Variants in CDK14 observed in about 807,000 individuals in gnomAD.
CDK14 encodes cyclin-dependent kinase 14.
A neutral mutation model predicts 60.7 loss-of-function variants in CDK14; 34 were observed. The observed-to-expected ratio is 0.56, with a 90% CI of 0.43 to 0.75. The LOEUF (loss-of-function observed/expected upper bound fraction) is 0.75, where lower values mean the gene tolerates loss of function less well. Ranked by LOEUF, CDK14 falls within the 30% of genes least tolerant of loss-of-function variation. The pLI, the probability that CDK14 is intolerant of heterozygous loss-of-function variation, is 0.00. For synonymous variants in CDK14, 197 were observed against 203.7 expected (o/e 0.97, Z 0.28); for missense variants, 482 against 564.1 (o/e 0.85, Z 1.47).
rs573353792 is a variant in CDK14 at position 90,691,816 on chromosome 7, G to A, written c.124-34751G>A. Among the ~76,000 whole-genome samples the A allele has an allele frequency of 3.3e-5, 5 of 152,256 alleles. No individual in the cohort carries two copies. The South Asian group carries it at 1.0e-3, about 32-fold the overall frequency. On this transcript the variant is annotated intron_variant, in intron 2 of 14. Transcript: ENST00000380050. The stretch of plus-strand genomic sequence containing the variant: ...GTTGGATTTTTAATTCATTTTGAAG[G>A]TAGAGCCAGAAGTATTTGCTAACAG...
intron 10 of CDK14, among the ~76,000 whole-genome samples, chr7:91,034,923 T>TAC (rs112903211): frequency 5.1e-4 from 70 of 136,272 alleles, no homozygotes; most frequent in East Asian, 4.6e-3. Flanking sequence ...CACACCTGTG[T>TAC]ACACACACAC....
intron 10 of CDK14, among the ~76,000 whole-genome samples, chr7:91,013,342 A>G (rs1185740358): frequency 6.6e-6 from 1 of 151,892 alleles, no homozygotes; most frequent in Non-Finnish European, 1.5e-5. Context: ...CTTTCTGGCA[A>G]TGGATTGTTC....
chr7:91,124,051 T>A (rs1485635494), intron 14 of CDK14, among the ~76,000 whole-genome samples: 2 of 152,046 alleles, frequency 1.3e-5, no homozygotes. Flanking sequence ...CACACCTGGA[T>A]CATTTTTAAA....
At chr7:91,012,580 A>G (rs1392180512) in intron 10 of CDK14, among the ~76,000 whole-genome samples, 3 of 152,194 alleles carry the variant, frequency 2.0e-5, no homozygotes, top group Admixed American at 2.0e-4. Flanking sequence ...TGGAGCAATC[A>G]TAGATTCAAC....
At chr7:90,717,100 A>G (rs1019792614) in intron 2 of CDK14, among the ~76,000 whole-genome samples, 8 of 152,152 alleles carry the variant, frequency 5.3e-5, no homozygotes, top group South Asian at 4.1e-4. Context: ...TAGTAATTCT[A>G]CCCTTGCTAT....
At chr7:91,066,065 T>C (rs1444634455) in intron 11 of CDK14, among the ~76,000 whole-genome samples, 2 of 152,180 alleles carry the variant, frequency 1.3e-5, no homozygotes, top group African/African-American at 4.8e-5. Flanking sequence ...GCTTAAATCA[T>C]TGCTACTTTT....
At chr7:90,961,956 A>G (rs1007895462) in intron 9 of CDK14, among the ~76,000 whole-genome samples, 3 of 152,256 alleles carry the variant, frequency 2.0e-5, no homozygotes, top group African/African-American at 4.8e-5. Flanking sequence ...TTTACTAAAT[A>G]CTACTAATCA....
intron 10 of CDK14, among the ~76,000 whole-genome samples, chr7:91,023,112 C>T (rs571886871): frequency 5.3e-5 from 8 of 152,032 alleles, no homozygotes; most frequent in African/African-American, 1.9e-4. Context: ...TTCTTGATTT[C>T]CTCATGCTAC....
At chr7:91,059,964 A>G (rs1460145807) in intron 11 of CDK14, among the ~76,000 whole-genome samples, 7 of 152,172 alleles carry the variant, frequency 4.6e-5, no homozygotes, top group Non-Finnish European at 1.0e-4. Context: ...TATCCTTGTT[A>G]ACTTTCTGTC....
At chr7:91,069,852 G>C (rs529466827) in intron 11 of CDK14, among the ~76,000 whole-genome samples, 2 of 151,998 alleles carry the variant, frequency 1.3e-5, no homozygotes, top group African/African-American at 2.4e-5. Context: ...GCTGGAGTAC[G>C]GTGGCACAAT....
intron 4 of CDK14, among the ~76,000 whole-genome samples, chr7:90,759,053 C>CT (rs1804205107): frequency 1.8e-5 from 1 of 55,018 alleles, no homozygotes; most frequent in Non-Finnish European, 3.4e-5. Context: ...GAGACTCTGT[C>CT]TAAAAAAAAA....
At chr7:90,824,953 G>T (rs998241687) in intron 5 of CDK14, among the ~76,000 whole-genome samples, 2 of 152,122 alleles carry the variant, frequency 1.3e-5, no homozygotes, top group African/African-American at 2.4e-5. Flanking sequence ...TGATTAAGTT[G>T]TTTTGCTAGA....
At chr7:90,597,833 G>GTTTTTTTTTTTTTTTTTT (rs11351927) in intron 1 of CDK14, among the ~76,000 whole-genome samples, 1 of 138,610 alleles carries the variant, frequency 7.2e-6, no homozygotes. Context: ...ATTTAGCCAA[G>GTTTTTTTTTTTTTTTTTT]TTTTTTTTTT....
At chr7:90,952,741 A>G (rs745870217) in intron 8 of CDK14, among the ~76,000 whole-genome samples, 6 of 152,210 alleles carry the variant, frequency 3.9e-5, no homozygotes, top group Admixed American at 3.9e-4. Context: ...TTTAAAAGGT[A>G]GTGTAGCTCT....
At chr7:90,872,971 G>A (rs1320811564) in intron 6 of CDK14, among the ~76,000 whole-genome samples, 2 of 152,012 alleles carry the variant, frequency 1.3e-5, no homozygotes, top group Admixed American at 1.3e-4. Context: ...TAATGGTAGA[G>A]AAATCACAGA....
At chr7:91,039,698 A>G (rs1017787307) in intron 10 of CDK14, among the ~76,000 whole-genome samples, 1 of 151,896 alleles carries the variant, frequency 6.6e-6, no homozygotes, top group African/African-American at 2.4e-5. Context: ...GTCCTTGGCC[A>G]CTCTTATAAT....
At chr7:90,624,326 G>A (rs941710438) in intron 2 of CDK14, among the ~76,000 whole-genome samples, 1 of 152,168 alleles carries the variant, frequency 6.6e-6, no homozygotes, top group African/African-American at 2.4e-5. Flanking sequence ...TGTGGATTTC[G>A]AAAAGGTAGT....
At chr7:91,136,893 C>T (rs771687785) in intron 14 of CDK14, among the ~76,000 whole-genome samples, 3 of 152,118 alleles carry the variant, frequency 2.0e-5, no homozygotes, top group South Asian at 2.1e-4. Context: ...AAACTTGCAG[C>T]ATGTAAAAAG....
At chr7:91,010,541 A>ACC (rs1796121075) in intron 10 of CDK14, among the ~76,000 whole-genome samples, 1 of 151,934 alleles carries the variant, frequency 6.6e-6, no homozygotes, top group East Asian at 1.9e-4. Flanking sequence ...TAGAATTCTA[A>ACC]TGTTTCATTA....
Sources: gnomAD v4.1 joint callset for allele counts (sites outside exome capture counted in the v4.1 genomes callset) on GRCh38, gnomAD v4.1.1 for gene constraint, MANE v1.5 for transcripts, NCBI Gene and HGNC (gene_info 2026-07-23, HGNC 2026-07-21) for gene names.